The following ST18 variants were observed in gnomAD, a reference collection of about 807,000 sequenced individuals.
ST18 encodes ST18 C2H2C-type zinc finger transcription factor, also known as suppression of tumorigenicity 18 protein.
ST18 carries 50 observed loss-of-function variants against 110.0 expected under a neutral mutation model. The observed-to-expected ratio is 0.45, with a 90% CI of 0.36 to 0.58. The LOEUF is 0.58. Ranked by LOEUF, ST18 falls within the 20% of genes least tolerant of loss-of-function variation. ST18 has a pLI of 0.00. For missense variants in ST18, 1,306 were observed against 1,280.1 expected (o/e 1.02, Z -0.31); for synonymous variants, 461 against 452.4 (o/e 1.02, Z -0.24).
At chr8:52,191,346 G>A (rs1411325945) in intron 8 of ST18, among the ~76,000 whole-genome samples, 4 of 152,174 alleles carry the variant, frequency 2.6e-5, no homozygotes, top group African/African-American at 4.8e-5. Context: ...TGACCATGAT[G>A]TCAGAGCCAA....
intron 2 of ST18, among the ~76,000 whole-genome samples, chr8:52,399,368 T>G (rs773223049): frequency 6.6e-6 from 1 of 151,982 alleles, no homozygotes; most frequent in Non-Finnish European, 1.5e-5. Context: ...ATTCTGTTTA[T>G]TTTTTTCAAG....
At chr8:52,210,160 G>A in intron 8 of ST18, 1 of 455,944 alleles carries the variant, frequency 2.2e-6, no homozygotes, top group Non-Finnish European at 4.4e-6. Flanking sequence ...CTGCAAACAT[G>A]TCCCCCACTT....
intron 2 of ST18, among the ~76,000 whole-genome samples, chr8:52,302,269 G>A (rs1000157883): frequency 6.6e-6 from 1 of 152,198 alleles, no homozygotes; most frequent in Non-Finnish European, 1.5e-5. Context: ...AATGTGGAAA[G>A]GGAGAAAATT....
chr8:52,172,169 A>G lies in ST18; in HGVS notation c.692T>C (p.Leu231Ser). ...YVLTDHKKDL[L>S]EVPEIKTEGD... The stretch of plus-strand genomic sequence containing the variant: ...TTCAGTTTTTATTTCAGGAACTTCC[A>G]ATAGGTCTTTTTTATGATCTGTTAA... The change falls in exon 10 of 26, where the codon TTG (leucine) becomes TCG (serine). Residue 231 changes from leucine to serine, a missense_variant. Physicochemically the swap from Leu to Ser is moderately radical, Grantham distance 145. Coordinates refer to ENST00000689386, the MANE Select transcript of ST18 (RefSeq NM_001352837.2). The G allele has an allele frequency of 6.2e-7, 1 of 1,614,114 alleles. No individual in the cohort carries two copies. The highest frequency in any genetic ancestry group is 8.5e-7 in the Non-Finnish European group (1 of 1,180,020).
intron 2 of ST18, among the ~76,000 whole-genome samples, chr8:52,304,808 C>T (rs2095788420): frequency 6.6e-6 from 1 of 152,130 alleles, no homozygotes; most frequent in African/African-American, 2.4e-5. Context: ...TCCTAGACGT[C>T]CATCTTCTTG....
At chr8:52,130,894 G>A (rs1014901328) in intron 22 of ST18, among the ~76,000 whole-genome samples, 2 of 152,296 alleles carry the variant, frequency 1.3e-5, no homozygotes, top group South Asian at 2.1e-4. Flanking sequence ...TACAGTAAAT[G>A]TGCCATTAGG....
intron 2 of ST18, among the ~76,000 whole-genome samples, chr8:52,307,115 T>G (rs1297076208): frequency 6.6e-6 from 1 of 152,008 alleles, no homozygotes; most frequent in Non-Finnish European, 1.5e-5. Context: ...GTCCAGAAGT[T>G]CGAGACCAAC....
intron 2 of ST18, among the ~76,000 whole-genome samples, chr8:52,279,735 G>A (rs908275642): frequency 2.0e-5 from 3 of 152,174 alleles, no homozygotes; most frequent in East Asian, 3.8e-4. Flanking sequence ...TCTAAAGGCT[G>A]AGAGAAACTA....
chr8:52,117,456 A>C (rs1394842467), intron 24 of ST18, among the ~76,000 whole-genome samples: 2 of 152,122 alleles, frequency 1.3e-5, no homozygotes, highest in African/African-American at 2.4e-5. Context: ...CTCCTTCTAG[A>C]CTATAAGTCT....
chr8:52,300,546 G>A (rs1015097163), intron 2 of ST18, among the ~76,000 whole-genome samples: 2 of 152,028 alleles, frequency 1.3e-5, no homozygotes, highest in Admixed American at 1.3e-4. Flanking sequence ...CAGAATTATG[G>A]GCCCAATCCT....
intron 8 of ST18, among the ~76,000 whole-genome samples, chr8:52,188,846 A>G (rs768181292): frequency 6.6e-6 from 1 of 152,224 alleles, no homozygotes; most frequent in Non-Finnish European, 1.5e-5. Flanking sequence ...AAGAATGCCT[A>G]CAAGGTTTTT....
intron 2 of ST18, among the ~76,000 whole-genome samples, chr8:52,352,116 G>A (rs183726268): frequency 2.0e-5 from 3 of 152,232 alleles, no homozygotes; most frequent in Non-Finnish European, 2.9e-5. Context: ...GATTTGGCAT[G>A]TTCCAATGCC....
intron 2 of ST18, among the ~76,000 whole-genome samples, chr8:52,294,970 C>T (rs192912063): frequency 2.0e-5 from 3 of 152,250 alleles, no homozygotes; most frequent in South Asian, 4.1e-4. Flanking sequence ...CAAATATATG[C>T]TTACATGCTT....
At chr8:52,295,431 T>G (rs547665852) in intron 2 of ST18, among the ~76,000 whole-genome samples, 1 of 152,154 alleles carries the variant, frequency 6.6e-6, no homozygotes, top group Non-Finnish European at 1.5e-5. Context: ...AGTAATAAAC[T>G]ACTCCAGAGC....
At chr8:52,190,628 G>A (rs913324892) in intron 8 of ST18, among the ~76,000 whole-genome samples, 1 of 152,172 alleles carries the variant, frequency 6.6e-6, no homozygotes, top group Admixed American at 6.5e-5. Context: ...AGAACCAAGA[G>A]TAGTTAGCAT....
intron 2 of ST18, among the ~76,000 whole-genome samples, chr8:52,276,195 ACAAACTACACATATACCACATAATTACAC>A (rs2095257171): frequency 9.9e-4 from 1 of 1,010 alleles, no homozygotes; most frequent in Non-Finnish European, 2.1e-3. Context: ...CACACACACC[ACAAACTACACATATACCACATAATTACAC>A]ACTACACACA....
chr8:52,164,654 C>T (rs2062375189), intron 12 of ST18, among the ~76,000 whole-genome samples: 1 of 152,196 alleles, frequency 6.6e-6, no homozygotes, highest in South Asian at 2.1e-4. Flanking sequence ...CATGTAAATG[C>T]ACATATGTAT....
intron 22 of ST18, among the ~76,000 whole-genome samples, chr8:52,128,280 T>C (rs1404401665): frequency 6.6e-6 from 1 of 152,186 alleles, no homozygotes; most frequent in Non-Finnish European, 1.5e-5. Context: ...CAATTTTAAA[T>C]TATATCTTCA....
Position 52,180,383 on chromosome 8 carries a change from G to A in ST18, c.87-71C>T, listed in dbSNP as rs538270788. 75 of 1,555,040 alleles carry A rather than the reference G, an allele frequency of 4.8e-5. No individual in the cohort carries two copies. The African/African-American group carries it at 1.0e-3, about 21-fold the overall frequency. On this transcript the variant is annotated intron_variant, in intron 8 of 25. Coordinates refer to ENST00000689386, the MANE Select transcript of ST18 (RefSeq NM_001352837.2). The stretch of plus-strand genomic sequence containing the variant: ...CTGCTGTTTGGCATTTAACTTTCAT[G>A]AAGTCTAACCTAAAGCCTTTGGAAA...
Sources: gnomAD v4.1 joint callset for allele counts (sites outside exome capture counted in the v4.1 genomes callset) on GRCh38, gnomAD v4.1.1 for gene constraint, MANE v1.5 for transcripts, NCBI Gene and HGNC (gene_info 2026-07-23, HGNC 2026-07-21) for gene names.